TTC39C: variants seen among roughly 807,000 people sequenced by gnomAD.
The protein encoded by TTC39C is tetratricopeptide repeat domain 39C.
A neutral mutation model predicts 76.3 loss-of-function variants in TTC39C; 33 were observed. The observed-to-expected ratio is 0.43, with a 90% CI of 0.33 to 0.58. The LOEUF (loss-of-function observed/expected upper bound fraction) is 0.58, where lower values mean the gene tolerates loss of function less well. Among genes scored for constraint, TTC39C ranks in the 20% least tolerant of loss-of-function variants. The pLI is 0.04. For missense variants in TTC39C, 595 were observed against 701.4 expected, an observed-to-expected ratio of 0.85 and a Z score of 1.71; for synonymous variants, 254 against 260.6, an observed-to-expected ratio of 0.97 and a Z score of 0.24.
At chr18:24,086,185 C>T (rs571924166) in intron 6 of TTC39C, among the ~76,000 whole-genome samples, 21 of 152,252 alleles carry the variant, frequency 1.4e-4, no homozygotes, top group African/African-American at 5.1e-4. Context: ...TTTATCAACA[C>T]GTACTCACAG....
intron 1 of TTC39C, chr18:24,020,245 AC>A: frequency 4.8e-6 from 5 of 1,040,034 alleles, no homozygotes; most frequent in Non-Finnish European, 5.8e-6. Flanking sequence ...CCCAACTATT[AC>A]ACTGTCTGAA....
chr18:24,045,964 A>G (rs2083875951), intron 1 of TTC39C, among the ~76,000 whole-genome samples: 1 of 78,366 alleles, frequency 1.3e-5, no homozygotes, highest in Non-Finnish European at 2.3e-5. Flanking sequence ...TTTGAGACGG[A>G]GACTTGCTCT....
At chr18:24,013,662 C>A (rs1462314114), upstream of TTC39C, among the ~76,000 whole-genome samples, 4 of 152,150 alleles carry the variant, frequency 2.6e-5, no homozygotes, top group Admixed American at 6.5e-5. Context: ...GGAAGGTTGT[C>A]CAATTTGGCA....
intron 6 of TTC39C, among the ~76,000 whole-genome samples, chr18:24,112,311 A>G (rs1220726083): frequency 6.6e-6 from 1 of 152,192 alleles, no homozygotes; most frequent in East Asian, 1.9e-4. Context: ...CCTTGACTTA[A>G]TCACATCTGC....
intron 1 of TTC39C, among the ~76,000 whole-genome samples, chr18:24,060,313 G>GTTTTTTTTTT (rs1294806136): frequency 4.5e-5 from 4 of 89,242 alleles, no homozygotes; most frequent in East Asian, 3.5e-4. Flanking sequence ...TTGCGTTTCT[G>GTTTTTTTTTT]TTTTTTTTTT....
At chr18:24,020,707 A>C (rs1172849354) in intron 1 of TTC39C, among the ~76,000 whole-genome samples, 6 of 152,230 alleles carry the variant, frequency 3.9e-5, no homozygotes, top group Non-Finnish European at 5.9e-5. Flanking sequence ...AATAGTGACA[A>C]GGGAAAAAGT....
At chr18:24,082,015 GTTTTT>G (rs35218868) in intron 5 of TTC39C, among the ~76,000 whole-genome samples, 209 of 120,780 alleles carry the variant, frequency 1.7e-3, no homozygotes, top group Middle Eastern at 0.013. Flanking sequence ...TCTGGCTGTT[GTTTTT>G]TTTTTTTTTT....
At chr18:24,024,460 A>G (rs1257150080) in intron 1 of TTC39C, among the ~76,000 whole-genome samples, 5 of 152,218 alleles carry the variant, frequency 3.3e-5, no homozygotes, top group Non-Finnish European at 7.3e-5. Flanking sequence ...AAGAGCAGGT[A>G]TGCTTTAAAA....
rs1238553539 is a variant in TTC39C at position 24,134,120 on chromosome 18, G to C, written c.*1546G>C. ...TGTTTCCAAAATGTGTATTCACATT[G>C]ACTTTCTCCCTGATGTGAATTCCGT... On this transcript the variant is annotated 3_prime_UTR_variant, in exon 14 of 14. Transcript: ENST00000317571. 1.3e-5 allele frequency: 2 copies of C among 154,590 alleles called. No individual in the cohort carries two copies. Among genetic ancestry groups the C allele is most frequent in the African/African-American group, 4.8e-5 (2 of 41,470 alleles). 9.6% of individuals were successfully genotyped at this position (154,590 alleles called of 1,614,324 possible).
At chr18:24,059,090 A>G (rs773438187) in intron 1 of TTC39C, among the ~76,000 whole-genome samples, 12 of 152,220 alleles carry the variant, frequency 7.9e-5, no homozygotes, top group Non-Finnish European at 1.5e-4. Context: ...CTTATGACTG[A>G]AAAGAAATTC....
rs888136061 is a variant in TTC39C, at chr18:24,046,754, G to A, written c.168-17386G>A. Among the ~76,000 whole-genome samples, 2 of 151,642 alleles carry A rather than the reference G, an allele frequency of 1.3e-5. 1 individual carries two copies. Among genetic ancestry groups the A allele is most frequent in the African/African-American group, 4.9e-5 (2 of 41,044 alleles). On this transcript the variant is annotated intron_variant, in intron 1 of 13. Coordinates refer to ENST00000317571, the MANE Select transcript of TTC39C (RefSeq NM_001135993.2). The stretch of plus-strand genomic sequence containing the variant: ...TCTTAGAAACATTTTTAAGTCTCTT[G>A]AAATGTAGAGAACTTTCCAAAAGAT...
chr18:24,103,089 G>A (rs2084699470), intron 6 of TTC39C, among the ~76,000 whole-genome samples: 1 of 152,156 alleles, frequency 6.6e-6, no homozygotes, highest in Non-Finnish European at 1.5e-5. Context: ...GCAACAGAGT[G>A]AGACCGTGTC....
At chr18:24,074,101 A>G (rs80252612) in intron 4 of TTC39C, among the ~76,000 whole-genome samples, 1 of 152,344 alleles carries the variant, frequency 6.6e-6, no homozygotes, top group East Asian at 1.9e-4. Context: ...GGCAGTAGGA[A>G]CAAATAAGTA....
intron 1 of TTC39C, among the ~76,000 whole-genome samples, chr18:24,058,469 A>G (rs1488684927): frequency 6.6e-6 from 1 of 152,140 alleles, no homozygotes; most frequent in Non-Finnish European, 1.5e-5. Flanking sequence ...AGCATGGTCG[A>G]CATGGTGAAA....
At chr18:24,089,973 C>G (rs1252317352) in intron 6 of TTC39C, among the ~76,000 whole-genome samples, 1 of 152,114 alleles carries the variant, frequency 6.6e-6, no homozygotes, top group East Asian at 1.9e-4. Context: ...ACATTCTAAG[C>G]TGTTTTACTT....
rs1389312765 is a variant in TTC39C at position 24,134,968 on chromosome 18, G to GT, written c.*2395dup. On this transcript the variant is annotated 3_prime_UTR_variant, in exon 14 of 14. Coordinates refer to ENST00000317571, the MANE Select transcript of TTC39C (RefSeq NM_001135993.2). Reference sequence around the variant, plus strand: ...ACCATCCTGTAGGTTTTCTTTACTAGTCAAAGTGTAGGTCTTTTTAAAATT... The same window carrying GT: ...ACCATCCTGTAGGTTTTCTTTACTAGTTCAAAGTGTAGGTCTTTTTAAAATT... The GT allele has an allele frequency of 3.9e-5, 6 of 152,066 alleles. No homozygotes were observed. Among genetic ancestry groups the GT allele is most frequent in the Non-Finnish European group, 8.8e-5 (6 of 68,018 alleles). The allele number at this position is 152,066 out of a possible 1,614,324, so 9.4% of individuals were successfully genotyped here.
intron 1 of TTC39C, among the ~76,000 whole-genome samples, chr18:24,045,304 C>T (rs1015935846): frequency 4.0e-5 from 6 of 150,260 alleles, no homozygotes; most frequent in Non-Finnish European, 8.9e-5. Flanking sequence ...TGTCCAACCC[C>T]AGCCCACCTG....
intron 6 of TTC39C, chr18:24,099,114 G>GT (rs1491147918): frequency 4.5e-5 from 2 of 44,354 alleles, no homozygotes; most frequent in Non-Finnish European, 6.9e-5. Context: ...TATATAAAAC[G>GT]TGTGTGTGTG....
At chr18:24,027,559 CT>C (rs1205765107) in intron 1 of TTC39C, among the ~76,000 whole-genome samples, 2,660 of 134,366 alleles carry the variant, frequency 0.02, 48 homozygotes, top group African/African-American at 0.058. Context: ...TCTGAGGTGA[CT>C]TTTTTTTTTT....
Sources: gnomAD v4.1 joint callset for allele counts (sites outside exome capture counted in the v4.1 genomes callset) on GRCh38, gnomAD v4.1.1 for gene constraint, MANE v1.5 for transcripts, NCBI Gene and HGNC (gene_info 2026-07-23, HGNC 2026-07-21) for gene names.